The following MAL variants were observed in gnomAD, a reference collection of about 807,000 sequenced individuals.
MAL encodes the protein myelin and lymphocyte protein.
Under a neutral mutation model 16.7 loss-of-function variants are expected in MAL, and 5 were observed. The observed-to-expected ratio is 0.30, with a 90% confidence interval of 0.16 to 0.63. The LOEUF is 0.63. MAL is among the 30% of genes least tolerant of loss of function. The pLI is 0.82. For missense variants in MAL, 202 were observed against 195.8 expected, an observed-to-expected ratio of 1.03 and a Z score of -0.19; for synonymous variants, 96 against 85.5, an observed-to-expected ratio of 1.12 and a Z score of -0.67.
chr2:95,043,176 G>C (rs1484764560), intron 1 of MAL, among the ~76,000 whole-genome samples: 2 of 152,330 alleles, frequency 1.3e-5, no homozygotes, highest in East Asian at 1.9e-4. Context: ...TGGTTAACCA[G>C]TTAGGTCCAC....
chr2:95,038,582 G>T (rs557553859), intron 1 of MAL, among the ~76,000 whole-genome samples: 1 of 151,768 alleles, frequency 6.6e-6, no homozygotes, highest in South Asian at 2.1e-4. Flanking sequence ...GTGACTGAGT[G>T]AGTGACTGAG....
intron 1 of MAL, among the ~76,000 whole-genome samples, chr2:95,030,863 A>T (rs750885797): frequency 5.3e-5 from 8 of 152,200 alleles, no homozygotes; most frequent in Non-Finnish European, 7.3e-5. Context: ...GACTAAAATG[A>T]CACCTTTTCT....
At chr2:95,035,601 C>G (rs1674184808) in intron 1 of MAL, among the ~76,000 whole-genome samples, 1 of 151,794 alleles carries the variant, frequency 6.6e-6, no homozygotes, top group Non-Finnish European at 1.5e-5. Context: ...CAAGCCTGAA[C>G]AGGGGGCTCT....
chr2:95,031,374 T>C (rs771606585), intron 1 of MAL, among the ~76,000 whole-genome samples: 1 of 152,144 alleles, frequency 6.6e-6, no homozygotes, highest in African/African-American at 2.4e-5. Flanking sequence ...TCACACCTCC[T>C]CTGGGTCTCC....
chr2:95,048,303 G>A (rs1196187494), intron 2 of MAL, among the ~76,000 whole-genome samples, 177 bp downstream of exon 2: 1 of 152,152 alleles, frequency 6.6e-6, no homozygotes, highest in African/African-American at 2.4e-5. Context: ...AGAGGCAGGG[G>A]CAGAGGCAAG....
chr2:95,039,646 C>CTGAGTGAGGACTGAG (rs894857425), intron 1 of MAL, among the ~76,000 whole-genome samples: 1 of 139,722 alleles, frequency 7.2e-6, no homozygotes, highest in African/African-American at 2.7e-5. Flanking sequence ...GAGTGAGTGA[C>CTGAGTGAGGACTGAG]TGAGTGAGGA....
Position 95,030,173 on chromosome 2 carries a change from C to T in MAL, c.93+4288C>T, listed in dbSNP as rs533624399. Among the ~76,000 whole-genome samples, 13 of 152,312 alleles carry T rather than the reference C, an allele frequency of 8.5e-5. No individual in the cohort carries two copies. The South Asian group carries it at 2.3e-3, about 27-fold the overall frequency. On this transcript the variant is annotated intron_variant, in intron 1 of 3. Coordinates refer to ENST00000309988, the MANE Select transcript of MAL (RefSeq NM_002371.4). ...GGCCCAGCACCCCTATCCCAGACCT[C>T]CTGACCTCTGAAAGCTGCAGAGTCC...
chr2:95,052,202 G>C (rs1330705236), intron 3 of MAL, among the ~76,000 whole-genome samples: 1 of 152,250 alleles, frequency 6.6e-6, no homozygotes, highest in East Asian at 1.9e-4. Flanking sequence ...ACAGTTTAGG[G>C]AGAGGGCTTT....
At chr2:95,045,180 CAA>C (rs1674557923) in intron 1 of MAL, among the ~76,000 whole-genome samples, 1 of 152,162 alleles carries the variant, frequency 6.6e-6, no homozygotes, top group African/African-American at 2.4e-5. Flanking sequence ...TCAGAAAAAC[CAA>C]AGAGAGTAAA....
intron 1 of MAL, among the ~76,000 whole-genome samples, chr2:95,038,172 CTGAG>C (rs1428506051): frequency 7.1e-6 from 1 of 139,972 alleles, no homozygotes; most frequent in African/African-American, 2.7e-5. Flanking sequence ...GAGTGAGTGA[CTGAG>C]TGACTGTGTG....
chr2:95,043,200 G>A (rs1032927786), intron 1 of MAL, among the ~76,000 whole-genome samples: 1 of 152,196 alleles, frequency 6.6e-6, no homozygotes, highest in Admixed American at 6.5e-5. Context: ...TCTCTCCAAG[G>A]CTCGACTGAC....
At chr2:95,037,924 CTGAGT>C (rs1674287058) in intron 1 of MAL, among the ~76,000 whole-genome samples, 1 of 86,582 alleles carries the variant, frequency 1.2e-5, no homozygotes, top group Non-Finnish European at 2.4e-5. Flanking sequence ...GAGTGAGTGA[CTGAGT>C]GAGTGAGTGA....
At chr2:95,045,394 G>T (rs1296470657) in intron 1 of MAL, among the ~76,000 whole-genome samples, 2 of 152,222 alleles carry the variant, frequency 1.3e-5, no homozygotes, top group East Asian at 3.9e-4. Flanking sequence ...GGTACCAGGA[G>T]ACCAAGGCCC....
chr2:95,052,127 C>T (rs772110506), intron 3 of MAL, among the ~76,000 whole-genome samples: 9 of 152,134 alleles, frequency 5.9e-5, no homozygotes, highest in Non-Finnish European at 7.4e-5. Flanking sequence ...TCGCCTGGGG[C>T]GAGATGGAAA....
intron 1 of MAL, among the ~76,000 whole-genome samples, chr2:95,039,972 C>T (rs1051755707): frequency 6.6e-6 from 1 of 152,150 alleles, no homozygotes; most frequent in Non-Finnish European, 1.5e-5. Flanking sequence ...ATTTAGGGGT[C>T]TTGGGTCTTC....
chr2:95,053,315 C>T (rs1354601423), intron 3 of MAL, 66 bp from the exon 4 acceptor site: 13 of 1,078,242 alleles, frequency 1.2e-5, no homozygotes, highest in Non-Finnish European at 1.9e-5. Flanking sequence ...GGGCTGGATG[C>T]AGTGCAGACG....
At chr2:95,032,189 G>A (rs1266464215) in intron 1 of MAL, among the ~76,000 whole-genome samples, 1 of 152,248 alleles carries the variant, frequency 6.6e-6, no homozygotes. Flanking sequence ...ACTCAGGTCG[G>A]CCAGGGACAA....
intron 1 of MAL, among the ~76,000 whole-genome samples, chr2:95,034,407 T>G (rs1674157748): frequency 6.6e-6 from 1 of 152,230 alleles, no homozygotes; most frequent in Admixed American, 6.5e-5. Context: ...CCTGCCAGCC[T>G]GGTGCCAAGA....
At chr2:95,040,173 G>A (rs116340415) in intron 1 of MAL, among the ~76,000 whole-genome samples, 3,156 of 149,722 alleles carry the variant, frequency 0.021, 103 homozygotes, top group African/African-American at 0.074. Flanking sequence ...ATGCATGCAC[G>A]TGCACACACA....
Sources: gnomAD v4.1 joint callset for allele counts (sites outside exome capture counted in the v4.1 genomes callset) on GRCh38, gnomAD v4.1.1 for gene constraint, MANE v1.5 for transcripts, NCBI Gene and HGNC (gene_info 2026-07-23, HGNC 2026-07-21) for gene names.